ARHGAP29: variants seen among roughly 807,000 people sequenced by gnomAD.
The protein encoded by ARHGAP29 is rho GTPase-activating protein 29.
In ARHGAP29, 43 loss-of-function variants were observed where a neutral mutation model predicts 122.6. That is an observed-to-expected ratio of 0.35 (90% CI 0.27 to 0.45). ARHGAP29 has a LOEUF of 0.45. Among genes scored for constraint, ARHGAP29 ranks in the 20% least tolerant of loss-of-function variants. ARHGAP29 has a pLI of 1.00. For synonymous variants in ARHGAP29, 506 were observed against 497.1 expected, an observed-to-expected ratio of 1.02 and a Z score of -0.24; for missense variants, 1,303 against 1,477.2, an observed-to-expected ratio of 0.88 and a Z score of 1.93.
In ARHGAP29 at chr1:94,177,722, T is replaced by A. The variant is rs1649185277; in HGVS notation, c.2797-2A>T. ...TTCACTCTCTGAAGTATGGATATCC[T>A]GTTGATGCAAGATAATTTTTAAAAT... is the stretch of plus-strand genomic sequence containing the variant. On this transcript the variant is annotated splice_acceptor_variant, in intron 21 of 22. Coordinates refer to ENST00000260526, the MANE Select transcript of ARHGAP29 (RefSeq NM_004815.4). LOFTEE classifies it high-confidence loss of function. 1 of 1,602,674 alleles carries A rather than the reference T, an allele frequency of 6.2e-7. No homozygotes were observed.
At chr1:94,176,163 CA>C (rs1649077843) in intron 22 of ARHGAP29, among the ~76,000 whole-genome samples, 1 of 152,214 alleles carries the variant, frequency 6.6e-6, no homozygotes. Flanking sequence ...CTCTGAAGCA[CA>C]GTTGCCTGGG....
At chr1:94,276,028 C>T (rs575946518), upstream of ARHGAP29, among the ~76,000 whole-genome samples, 101 of 151,966 alleles carry the variant, frequency 6.6e-4, 1 homozygote, top group African/African-American at 2.1e-3. Flanking sequence ...GAGGCTGATG[C>T]GGGCAGATTA....
chr1:94,308,287 GA>G, the ARHGAP29 span, among the ~76,000 whole-genome samples: 1 of 152,106 alleles, frequency 6.6e-6, no homozygotes, highest in Non-Finnish European at 1.5e-5. Context: ...AAGTAGGCAG[GA>G]AAGATGGTAG....
upstream of ARHGAP29, among the ~76,000 whole-genome samples, chr1:94,277,967 C>T (rs1472244159): frequency 6.6e-6 from 1 of 152,066 alleles, no homozygotes; most frequent in Non-Finnish European, 1.5e-5. Context: ...ATAGACACAT[C>T]TCAGTAGCTT....
At chr1:94,198,760 T>C (rs1309469165) in intron 12 of ARHGAP29, among the ~76,000 whole-genome samples, 1 of 152,198 alleles carries the variant, frequency 6.6e-6, no homozygotes, top group Non-Finnish European at 1.5e-5. Flanking sequence ...ATACAGTCAA[T>C]GCTCCCCAGT....
intron 1 of ARHGAP29, among the ~76,000 whole-genome samples, chr1:94,258,993 G>A (rs914659668): frequency 6.6e-6 from 1 of 152,108 alleles, no homozygotes; most frequent in Admixed American, 6.5e-5. Flanking sequence ...TTGAGCTCTT[G>A]TCACCATGGA....
the ARHGAP29 span, among the ~76,000 whole-genome samples, chr1:94,294,282 A>G: frequency 0.23 from 35,456 of 151,338 alleles, 4,352 homozygotes; most frequent in East Asian, 0.45. Flanking sequence ...ACACACACAC[A>G]CGCGCATATA....
Position 94,225,306 on chromosome 1 carries a change from A to C in ARHGAP29, c.206-4914T>G, listed in dbSNP as rs373848494. Among the ~76,000 whole-genome samples, 12 of 152,212 alleles carry C rather than the reference A, an allele frequency of 7.9e-5. No individual in the cohort carries two copies. The East Asian group carries it at 1.2e-3, about 15-fold the overall frequency. ...AAATGAACACACATACAAAACTCTT[A>C]GTTTCTCTGATCTCAGATTCATCCT... On this transcript the variant is annotated intron_variant, in intron 2 of 22. Transcript: ENST00000260526.
chr1:94,236,825 T>G (rs1171543747), intron 1 of ARHGAP29, among the ~76,000 whole-genome samples: 1 of 151,888 alleles, frequency 6.6e-6, no homozygotes, highest in Non-Finnish European at 1.5e-5. Flanking sequence ...TCCTAAAATA[T>G]CTCAGGAATG....
intron 1 of ARHGAP29, 21 bp from the exon 2 acceptor site, chr1:94,231,664 A>G: frequency 6.5e-7 from 1 of 1,548,586 alleles, no homozygotes; most frequent in Non-Finnish European, 8.8e-7. Context: ...CAAGAAACAA[A>G]ACAAAAACAA....
intron 8 of ARHGAP29, 41 bp from the exon 9 acceptor site, chr1:94,203,251 G>A (rs767685057): frequency 1.5e-5 from 21 of 1,439,460 alleles, no homozygotes; most frequent in Non-Finnish European, 1.9e-5. Flanking sequence ...CAATAGAAAT[G>A]GCACTAGAAT....
rs1648717074 is a variant in ARHGAP29, at chr1:94,171,215, C to A, written c.*2654G>T. 3.3e-5 allele frequency among the ~76,000 whole-genome samples: 5 copies of A among 152,162 alleles called. No homozygotes were observed. The highest frequency in any genetic ancestry group is 1.5e-5 in the Non-Finnish European group (1 of 68,034). On this transcript the variant is annotated 3_prime_UTR_variant, in exon 23 of 23. Coordinates refer to ENST00000260526, the MANE Select transcript of ARHGAP29 (RefSeq NM_004815.4). Reference sequence around the variant, plus strand: ...TCACCCAAATAACTGAGGTACAATTCTATCTGCTTGTGAGTTCACTAGGCA... The same window carrying A: ...TCACCCAAATAACTGAGGTACAATTATATCTGCTTGTGAGTTCACTAGGCA...
At chr1:94,237,593 C>CACCGCCCCTGCAGCT (rs1553212578), upstream of ARHGAP29, 82 of 989,178 alleles carry the variant, frequency 8.3e-5, no homozygotes, top group Non-Finnish European at 9.2e-5. Flanking sequence ...CTGCAGCCGC[C>CACCGCCCCTGCAGCT]ACCGCCCCTG....
upstream of ARHGAP29, among the ~76,000 whole-genome samples, chr1:94,239,012 T>A (rs892037086): frequency 1.3e-5 from 2 of 152,164 alleles, no homozygotes; most frequent in African/African-American, 4.8e-5. Context: ...CATACTGGAT[T>A]TTTTGGACTC....
intron 3 of ARHGAP29, among the ~76,000 whole-genome samples, chr1:94,211,287 CAAAA>C (rs71094285): frequency 3.6e-4 from 13 of 35,994 alleles, no homozygotes; most frequent in African/African-American, 6.6e-4. Flanking sequence ...GCTCTGGCTC[CAAAA>C]AAAAAAAAAA....
At chr1:94,209,649 T>A (rs1013804539) in intron 3 of ARHGAP29, among the ~76,000 whole-genome samples, 1 of 152,056 alleles carries the variant, frequency 6.6e-6, no homozygotes, top group African/African-American at 2.4e-5. Flanking sequence ...AGTCACAGAG[T>A]CCATGTTACA....
intron 16 of ARHGAP29, among the ~76,000 whole-genome samples, 177 bp from the exon 17 acceptor site, chr1:94,185,658 C>T (rs977568989): frequency 2.6e-5 from 4 of 152,088 alleles, no homozygotes; most frequent in African/African-American, 9.7e-5. Context: ...TTATAGATCT[C>T]TTAAAAGGCA....
upstream of ARHGAP29, among the ~76,000 whole-genome samples, chr1:94,238,761 A>G (rs1653456151): frequency 6.6e-6 from 1 of 152,196 alleles, no homozygotes; most frequent in East Asian, 1.9e-4. Flanking sequence ...GAAGAAAAAT[A>G]AAAGGAGAGA....
chr1:94,174,508 C>G lies in ARHGAP29; in HGVS notation c.3147G>C (p.Lys1049Asn). The stretch of plus-strand genomic sequence containing the variant: ...TATTAACTCCTTCAAAGGCAGGATT[C>G]TTGCAAAACTTGTCTAAATTTACAT... ...MGNVNLDKFC[K>N]NPAFEGVNRK... Residue 1049 changes from lysine (K) to asparagine (N), a missense_variant, in exon 23 of 23, where the codon AAG becomes AAC. By Grantham distance (94) the Lys-to-Asn change is moderately conservative. Transcript: ENST00000260526. 6.2e-7 allele frequency: 1 copy of G among 1,614,164 alleles called. No homozygotes were observed.
Sources: gnomAD v4.1 joint callset for allele counts (sites outside exome capture counted in the v4.1 genomes callset) on GRCh38, gnomAD v4.1.1 for gene constraint, MANE v1.5 for transcripts, NCBI Gene and HGNC (gene_info 2026-07-23, HGNC 2026-07-21) for gene names.